PTDSS1: variants seen among roughly 807,000 people sequenced by gnomAD.
The protein encoded by PTDSS1 is phosphatidylserine synthase 1.
Under a neutral mutation model 70.5 loss-of-function variants are expected in PTDSS1, and 45 were observed. That is an observed-to-expected ratio of 0.64 (90% CI 0.50 to 0.82). PTDSS1 has a LOEUF of 0.82. PTDSS1 is among the 40% of genes least tolerant of loss of function. The pLI, the probability that PTDSS1 is intolerant of heterozygous loss-of-function variation, is 0.00. For missense variants in PTDSS1, 417 were observed against 586.1 expected (o/e 0.71, Z 2.98); for synonymous variants, 188 against 203.8 (o/e 0.92, Z 0.66).
intron 10 of PTDSS1, among the ~76,000 whole-genome samples, chr8:96,328,480 C>G (rs1352032768): frequency 6.6e-6 from 1 of 152,150 alleles, no homozygotes; most frequent in Non-Finnish European, 1.5e-5. Flanking sequence ...TGTATTCATT[C>G]GTGGCCTAAT....
intron 2 of PTDSS1, among the ~76,000 whole-genome samples, chr8:96,276,980 GCACACACA>G (rs57116529): frequency 1.4e-4 from 21 of 146,014 alleles, no homozygotes; most frequent in East Asian, 6.1e-4. Flanking sequence ...GCACGCGCGC[GCACACACA>G]CACACACACA....
Position 96,334,528 on chromosome 8 carries a change from A to G in PTDSS1, c.*962A>G, listed in dbSNP as rs1186500500. 1 of 152,628 alleles carries G rather than the reference A, an allele frequency of 6.6e-6. No individual in the cohort carries two copies. The highest frequency in any genetic ancestry group is 6.5e-5 in the Admixed American group (1 of 15,284). The allele number at this position is 152,628 out of a possible 1,614,324, so 9.5% of individuals were successfully genotyped here. On this transcript the variant is annotated 3_prime_UTR_variant, in exon 13 of 13. Coordinates refer to ENST00000517309, the MANE Select transcript of PTDSS1 (RefSeq NM_014754.3). ...TGATGGATCCCTGTTTTAAATAAAA[A>G]CGATTCACTTTAAAGCCTATCAAAG...
intron 6 of PTDSS1, 135 bp downstream of exon 6, chr8:96,299,980 GATT>G (rs1811029056): frequency 6.0e-6 from 7 of 1,160,828 alleles, no homozygotes; most frequent in Non-Finnish European, 8.2e-6. Context: ...ACTCATAAAT[GATT>G]ATAAACCTGA....
At chr8:96,270,074 C>G (rs547532729) in intron 1 of PTDSS1, among the ~76,000 whole-genome samples, 1 of 152,252 alleles carries the variant, frequency 6.6e-6, no homozygotes, top group South Asian at 2.1e-4. Context: ...GTAATCTGCC[C>G]AAGGTCACAC....
rs1319133991 is a variant in PTDSS1, at chr8:96,334,729, G to C, written c.*1163G>C. 6.6e-6 allele frequency: 1 copy of C among 152,204 alleles called. No individual in the cohort carries two copies. Among genetic ancestry groups the C allele is most frequent in the Non-Finnish European group, 1.5e-5 (1 of 68,042 alleles). 9.4% of individuals were successfully genotyped at this position (152,204 alleles called of 1,614,324 possible). A position where few individuals can be genotyped will look rare whatever the true frequency, so the allele number is the denominator to read the frequency against. On this transcript the variant is annotated 3_prime_UTR_variant, in exon 13 of 13. Coordinates refer to ENST00000517309, the MANE Select transcript of PTDSS1 (RefSeq NM_014754.3). Reference sequence around the variant, plus strand: ...ACAGACATATATGTCCTACTTCTTAGACTACCCAAGTGACCAACAGGAATG... The same window carrying C: ...ACAGACATATATGTCCTACTTCTTACACTACCCAAGTGACCAACAGGAATG...
intron 7 of PTDSS1, among the ~76,000 whole-genome samples, chr8:96,305,301 A>G (rs778593112): frequency 3.3e-5 from 5 of 152,258 alleles, no homozygotes; most frequent in African/African-American, 4.8e-5. Context: ...TAATTAGACT[A>G]TTTTTTATTT....
chr8:96,279,821 A>ATAAT (rs1436746201), intron 2 of PTDSS1, among the ~76,000 whole-genome samples: 1 of 45,234 alleles, frequency 2.2e-5, no homozygotes, highest in African/African-American at 1.2e-4. Flanking sequence ...TCCATCTCAA[A>ATAAT]TAAATAAATA....
intron 9 of PTDSS1, among the ~76,000 whole-genome samples, chr8:96,319,182 G>A (rs961263933): frequency 2.6e-5 from 4 of 151,866 alleles, no homozygotes; most frequent in Non-Finnish European, 2.9e-5. Flanking sequence ...CCAAAGTGCC[G>A]AGATCACAGA....
intron 10 of PTDSS1, among the ~76,000 whole-genome samples, chr8:96,325,770 C>T (rs1811430159): frequency 6.6e-6 from 1 of 152,178 alleles, no homozygotes; most frequent in Admixed American, 6.5e-5. Context: ...CACAATAACA[C>T]AATCTTTTTC....
intron 2 of PTDSS1, among the ~76,000 whole-genome samples, chr8:96,278,259 A>G (rs1253135489): frequency 6.6e-6 from 1 of 152,210 alleles, no homozygotes; most frequent in Non-Finnish European, 1.5e-5. Flanking sequence ...AGAAATTTAT[A>G]GTGTTTAGAG....
At chr8:96,276,354 A>G (rs183129598) in intron 2 of PTDSS1, among the ~76,000 whole-genome samples, 5 of 152,338 alleles carry the variant, frequency 3.3e-5, no homozygotes, top group Non-Finnish European at 7.4e-5. Context: ...CTGTTCCCCA[A>G]TGAAGTCCTC....
intron 2 of PTDSS1, among the ~76,000 whole-genome samples, chr8:96,279,518 TAAA>T (rs978433383): frequency 1.4e-5 from 2 of 146,216 alleles, no homozygotes; most frequent in African/African-American, 2.5e-5. Flanking sequence ...CTACTTTTTG[TAAA>T]AAAAAAAAAT....
At chr8:96,322,609 T>C (rs1057047321) in intron 10 of PTDSS1, among the ~76,000 whole-genome samples, 6 of 152,172 alleles carry the variant, frequency 3.9e-5, no homozygotes, top group African/African-American at 1.4e-4. Context: ...TATCATTACA[T>C]TGACAGCTAA....
chr8:96,272,050 A>G (rs539889361), intron 1 of PTDSS1, among the ~76,000 whole-genome samples: 2 of 152,060 alleles, frequency 1.3e-5, no homozygotes, highest in South Asian at 2.1e-4. Flanking sequence ...CCGTTTTTCT[A>G]TTTGTTTTTC....
At chr8:96,312,123 C>T (rs1278062868) in intron 9 of PTDSS1, among the ~76,000 whole-genome samples, 1 of 152,152 alleles carries the variant, frequency 6.6e-6, no homozygotes, top group African/African-American at 2.4e-5. Context: ...TCTAATTGGA[C>T]AGCCATGAAA....
Position 96,335,604 on chromosome 8 carries a change from T to C in PTDSS1, c.*2038T>C, listed in dbSNP as rs539081774. On this transcript the variant is annotated 3_prime_UTR_variant, in exon 13 of 13. Coordinates refer to ENST00000517309, the MANE Select transcript of PTDSS1 (RefSeq NM_014754.3). Reference sequence around the variant, plus strand: ...AGCAGGGTGCACAGGAGATGATTTTTTCTCCATGGCTTTGTAAGAAACAGC... The same window carrying C: ...AGCAGGGTGCACAGGAGATGATTTTCTCTCCATGGCTTTGTAAGAAACAGC... 3 of 152,360 alleles carry C rather than the reference T, an allele frequency of 2.0e-5. No homozygotes were observed. The highest frequency in any genetic ancestry group is 2.9e-5 in the Non-Finnish European group (2 of 68,026). 9.4% of individuals were successfully genotyped at this position (152,360 alleles called of 1,614,324 possible). A position where few individuals can be genotyped will look rare whatever the true frequency, so the allele number is the denominator to read the frequency against.
intron 8 of PTDSS1, among the ~76,000 whole-genome samples, chr8:96,306,869 G>A (rs956236707): frequency 6.6e-6 from 1 of 152,138 alleles, no homozygotes; most frequent in Non-Finnish European, 1.5e-5. Context: ...TAACAGCATA[G>A]TGATGCTGAG....
At chr8:96,274,762 G>A (rs915877029) in intron 2 of PTDSS1, among the ~76,000 whole-genome samples, 3 of 152,090 alleles carry the variant, frequency 2.0e-5, no homozygotes, top group Non-Finnish European at 2.9e-5. Context: ...GTTTTCCATC[G>A]TAGTTAGGAG....
chr8:96,268,874 C>T (rs1367525866), intron 1 of PTDSS1, among the ~76,000 whole-genome samples: 1 of 152,140 alleles, frequency 6.6e-6, no homozygotes, highest in African/African-American at 2.4e-5. Flanking sequence ...CAGGCTGAGA[C>T]TCCCCCCTCA....
Sources: gnomAD v4.1 joint callset for allele counts (sites outside exome capture counted in the v4.1 genomes callset) on GRCh38, gnomAD v4.1.1 for gene constraint, MANE v1.5 for transcripts, NCBI Gene and HGNC (gene_info 2026-07-23, HGNC 2026-07-21) for gene names.